The following MARCHF1 variants were observed in gnomAD, a reference collection of about 807,000 sequenced individuals.
MARCHF1 encodes E3 ubiquitin-protein ligase MARCHF1.
MARCHF1 carries 40 observed loss-of-function variants against 54.2 expected under a neutral mutation model. The ratio of observed to expected loss-of-function variants is 0.74; its 90% CI spans 0.57 to 0.96. The LOEUF is 0.96. Ranked by LOEUF, MARCHF1 falls within the 40% of genes least tolerant of loss-of-function variation. MARCHF1 has a pLI of 0.00. For synonymous variants in MARCHF1, 236 were observed against 236.3 expected, an observed-to-expected ratio of 1.00 and a Z score of 0.01; for missense variants, 586 against 656.5, an observed-to-expected ratio of 0.89 and a Z score of 1.17.
intron 2 of MARCHF1, among the ~76,000 whole-genome samples, chr4:164,043,457 C>T (rs1754171387): frequency 6.6e-6 from 1 of 152,176 alleles, no homozygotes; most frequent in Non-Finnish European, 1.5e-5. Context: ...GCTGGAGCAG[C>T]TGTGACAAAG....
chr4:163,701,749 G>T (rs1744814973), intron 4 of MARCHF1, among the ~76,000 whole-genome samples: 2 of 152,118 alleles, frequency 1.3e-5, no homozygotes, highest in African/African-American at 4.8e-5. Flanking sequence ...AAATGTTGTT[G>T]GAACAATCAA....
chr4:163,659,985 G>A (rs1160961105), intron 5 of MARCHF1, among the ~76,000 whole-genome samples: 2 of 152,134 alleles, frequency 1.3e-5, no homozygotes, highest in African/African-American at 2.4e-5. Flanking sequence ...CATTGTGGAA[G>A]ACAGTGAGGC....
At chr4:164,203,592 A>C (rs2111095643) in intron 1 of MARCHF1, among the ~76,000 whole-genome samples, 1 of 152,264 alleles carries the variant, frequency 6.6e-6, no homozygotes, top group Middle Eastern at 3.4e-3. Context: ...TTCAATGTTA[A>C]TTTTACTACC....
chr4:163,944,196 A>G (rs1751979214), intron 3 of MARCHF1, among the ~76,000 whole-genome samples: 1 of 141,836 alleles, frequency 7.1e-6, no homozygotes, highest in Non-Finnish European at 1.5e-5. Flanking sequence ...GTTAGCCAGG[A>G]TGGTCTCGAT....
At chr4:164,065,554 T>C (rs1217960372) in intron 2 of MARCHF1, among the ~76,000 whole-genome samples, 1 of 152,168 alleles carries the variant, frequency 6.6e-6, no homozygotes, top group African/African-American at 2.4e-5. Context: ...GTCAGGGTTC[T>C]CCAGAGGAAC....
At chr4:163,719,251 A>G (rs1409295235) in intron 4 of MARCHF1, among the ~76,000 whole-genome samples, 1 of 149,414 alleles carries the variant, frequency 6.7e-6, no homozygotes, top group African/African-American at 2.5e-5. Context: ...TCATTGTTCA[A>G]TTGCCACCTA....
chr4:163,933,248 A>G (rs1751719861), intron 3 of MARCHF1: 5 of 710,998 alleles, frequency 7.0e-6, no homozygotes, highest in South Asian at 6.7e-5. Context: ...GAAGGGGCTG[A>G]AACTAAATCC....
chr4:164,253,381 C>A (rs1165857147), intron 1 of MARCHF1, among the ~76,000 whole-genome samples: 1 of 152,050 alleles, frequency 6.6e-6, no homozygotes, highest in Non-Finnish European at 1.5e-5. Flanking sequence ...AGTAGAAAAC[C>A]TTCAGAAGGA....
intron 7 of MARCHF1, among the ~76,000 whole-genome samples, chr4:163,608,456 T>C (rs1741214684): frequency 6.6e-6 from 1 of 152,044 alleles, no homozygotes; most frequent in South Asian, 2.1e-4. Flanking sequence ...CTTGTAAATA[T>C]TAAAGATTTT....
intron 5 of MARCHF1, among the ~76,000 whole-genome samples, chr4:163,692,389 G>A (rs1033001138): frequency 7.9e-5 from 12 of 152,164 alleles, no homozygotes; most frequent in Admixed American, 7.2e-4. Flanking sequence ...GAGTAGAAAT[G>A]TAACAGAGAC....
At chr4:163,742,697 C>T (rs1249462367) in intron 4 of MARCHF1, among the ~76,000 whole-genome samples, 2 of 151,854 alleles carry the variant, frequency 1.3e-5, no homozygotes, top group African/African-American at 4.8e-5. Context: ...AGGTTAGTCT[C>T]GAACTCCTAG....
intron 3 of MARCHF1, among the ~76,000 whole-genome samples, chr4:163,974,645 T>C (rs920346266): frequency 6.6e-6 from 1 of 152,192 alleles, no homozygotes; most frequent in Non-Finnish European, 1.5e-5. Context: ...TGTTATATAG[T>C]AAAAGAAATT....
chr4:164,089,214 A>T (rs1755251027), intron 2 of MARCHF1, among the ~76,000 whole-genome samples: 1 of 152,186 alleles, frequency 6.6e-6, no homozygotes, highest in African/African-American at 2.4e-5. Flanking sequence ...GAATATTGTC[A>T]TGAAAATACG....
intron 1 of MARCHF1, among the ~76,000 whole-genome samples, chr4:164,376,244 A>G (rs1406323123): frequency 6.6e-6 from 1 of 152,188 alleles, no homozygotes. Flanking sequence ...TTACTAGAAA[A>G]ATTATTTAAA....
At chr4:163,745,172 G>A (rs1438978329) in intron 4 of MARCHF1, among the ~76,000 whole-genome samples, 2 of 151,036 alleles carry the variant, frequency 1.3e-5, no homozygotes, top group Non-Finnish European at 3.0e-5. Flanking sequence ...TAGTGCAGTG[G>A]CACGATCTCA....
chr4:163,799,794 C>T (rs1345195341), intron 4 of MARCHF1, among the ~76,000 whole-genome samples: 2 of 151,962 alleles, frequency 1.3e-5, no homozygotes, highest in Non-Finnish European at 2.9e-5. Flanking sequence ...CACATGTACC[C>T]AAAAGAAAAC....
chr4:164,227,587 T>C (rs1732293726), intron 1 of MARCHF1, among the ~76,000 whole-genome samples: 2 of 152,162 alleles, frequency 1.3e-5, no homozygotes, highest in African/African-American at 4.8e-5. Flanking sequence ...CTAGCCAAAG[T>C]CTTTCTATTT....
At chr4:164,196,972 A>G (rs376594976) in intron 1 of MARCHF1, 26 of 1,600,826 alleles carry the variant, frequency 1.6e-5, no homozygotes, top group Non-Finnish European at 2.1e-5. Context: ...AGGTTATTCT[A>G]CTTAGTCATC....
chr4:163,563,993 T>G (rs1336580977), intron 8 of MARCHF1, among the ~76,000 whole-genome samples: 2 of 152,198 alleles, frequency 1.3e-5, no homozygotes, highest in Non-Finnish European at 2.9e-5. Flanking sequence ...AAGCTTCTGT[T>G]TTTGCTTTGG....
Sources: allele counts gnomAD v4.1 joint callset (sites outside exome capture counted in the v4.1 genomes callset), GRCh38; gene constraint gnomAD v4.1.1; transcripts MANE v1.5; gene names NCBI Gene and HGNC (gene_info 2026-07-23, HGNC 2026-07-21).